Variants in ADGRB3 observed in about 807,000 individuals in gnomAD.
ADGRB3 encodes brain-specific angiogenesis inhibitor 3.
In ADGRB3, 37 loss-of-function variants were observed where a neutral mutation model predicts 193.4. The observed-to-expected ratio is 0.19, with a 90% CI of 0.15 to 0.25. ADGRB3 has a LOEUF of 0.25. ADGRB3 is among the 10% of genes least tolerant of loss of function. ADGRB3 has a pLI of 1.00. For synonymous variants in ADGRB3, 690 were observed against 644.2 expected (o/e 1.07, Z -1.08); for missense variants, 1,637 against 1,852.9 (o/e 0.88, Z 2.14).
intron 3 of ADGRB3, among the ~76,000 whole-genome samples, chr6:68,849,912 A>G (rs1258920231): frequency 6.6e-6 from 1 of 151,990 alleles, no homozygotes; most frequent in South Asian, 2.1e-4. Flanking sequence ...AAGATAATAT[A>G]AAAATCTTTT....
chr6:69,117,397 C>T (rs952377621), intron 17 of ADGRB3, among the ~76,000 whole-genome samples: 9 of 152,160 alleles, frequency 5.9e-5, no homozygotes. Flanking sequence ...CACTAGAACA[C>T]AGATTTCTGA....
At chr6:69,246,143 T>C (rs1766494598) in intron 20 of ADGRB3, among the ~76,000 whole-genome samples, 1 of 152,068 alleles carries the variant, frequency 6.6e-6, no homozygotes, top group Admixed American at 6.6e-5. Context: ...AAGTTAATCT[T>C]TTTTCTTCAT....
At chr6:69,191,387 A>G (rs1449321846) in intron 17 of ADGRB3, among the ~76,000 whole-genome samples, 1 of 152,182 alleles carries the variant, frequency 6.6e-6, no homozygotes, top group Non-Finnish European at 1.5e-5. Flanking sequence ...TGGCAAACAC[A>G]CCAATACAGT....
chr6:68,738,352 A>AGGAT (rs1228290398), intron 3 of ADGRB3, among the ~76,000 whole-genome samples: 1 of 151,734 alleles, frequency 6.6e-6, no homozygotes, highest in Non-Finnish European at 1.5e-5. Flanking sequence ...GACTGACTGG[A>AGGAT]GGATTTTCTG....
At position 69,342,155 on chromosome 6, in the gene ADGRB3, T is replaced by C. The variant is rs184442705; in HGVS notation, c.3459+2651T>C. On this transcript the variant is annotated intron_variant, in intron 26 of 31. Coordinates refer to ENST00000370598, the MANE Select transcript of ADGRB3 (RefSeq NM_001704.3). ...ACAAGTAATTAAATCAATCATATAA[T>C]AAATGCTTCTGCTAAAGTAGGTGTC... Among the ~76,000 whole-genome samples, 7 of 152,258 alleles carry C rather than the reference T, an allele frequency of 4.6e-5. No individual in the cohort carries two copies. In the South Asian group the frequency reaches 6.2e-4, roughly 14 times the overall value.
At chr6:69,198,171 C>T (rs1217674473) in intron 17 of ADGRB3, among the ~76,000 whole-genome samples, 1 of 152,006 alleles carries the variant, frequency 6.6e-6, no homozygotes, top group East Asian at 1.9e-4. Flanking sequence ...TTTTGTCAGT[C>T]TTCCATACTA....
chr6:68,975,197 T>C lies in ADGRB3; in HGVS notation c.1628-37T>C, dbSNP rs950209471. 1.9e-6 allele frequency: 3 copies of C among 1,554,574 alleles called. No individual in the cohort carries two copies. In the African/African-American group the frequency reaches 4.1e-5, roughly 21 times the overall value. On this transcript the variant is annotated intron_variant, in intron 9 of 31. Coordinates refer to ENST00000370598, the MANE Select transcript of ADGRB3 (RefSeq NM_001704.3). ...TAAGTGTGATGCCTTCAAACATCCC[T>C]ATTATAAAGCTTCTCTCTGTTCTTT... is the stretch of plus-strand genomic sequence containing the variant.
chr6:68,655,069 G>A (rs78623147), intron 3 of ADGRB3, among the ~76,000 whole-genome samples: 4,026 of 150,814 alleles, frequency 0.027, 166 homozygotes, highest in African/African-American at 0.092. Flanking sequence ...CATTCTCTTT[G>A]ATCATTGATT....
intron 17 of ADGRB3, among the ~76,000 whole-genome samples, chr6:69,094,578 A>G (rs773796297): frequency 1.3e-5 from 2 of 152,200 alleles, no homozygotes; most frequent in African/African-American, 4.8e-5. Context: ...TGAAAGCTAT[A>G]TGTCATACCG....
intron 3 of ADGRB3, among the ~76,000 whole-genome samples, chr6:68,701,426 T>C (rs1765240728): frequency 6.6e-6 from 1 of 152,172 alleles, no homozygotes; most frequent in South Asian, 2.1e-4. Context: ...CAAATGAGAA[T>C]CCAGTCACAC....
intron 3 of ADGRB3, among the ~76,000 whole-genome samples, chr6:68,709,921 T>C (rs1765382291): frequency 6.6e-6 from 1 of 152,226 alleles, no homozygotes; most frequent in Non-Finnish European, 1.5e-5. Context: ...GCTGCCCCTC[T>C]TAGCCCTTGC....
At chr6:68,783,983 A>T (rs1202159689) in intron 3 of ADGRB3, among the ~76,000 whole-genome samples, 1 of 152,032 alleles carries the variant, frequency 6.6e-6, no homozygotes, top group African/African-American at 2.4e-5. Context: ...CAGTGTTCTT[A>T]ATAAGAGACT....
chr6:68,793,091 C>T (rs1305997009), intron 3 of ADGRB3, among the ~76,000 whole-genome samples: 1 of 151,674 alleles, frequency 6.6e-6, no homozygotes. Flanking sequence ...CTTTTTGATT[C>T]AGTTTGCGAT....
chr6:69,364,405 C>T (rs2127334824), intron 29 of ADGRB3, among the ~76,000 whole-genome samples: 1 of 152,106 alleles, frequency 6.6e-6, no homozygotes, highest in South Asian at 2.1e-4. Flanking sequence ...GGAGGCTCCC[C>T]AACCCCGAAG....
chr6:68,675,409 G>T (rs192608022), intron 3 of ADGRB3, among the ~76,000 whole-genome samples: 2 of 151,566 alleles, frequency 1.3e-5, no homozygotes, highest in Non-Finnish European at 2.9e-5. Flanking sequence ...TCCAAAGCAA[G>T]GAGAAAAAAG....
intron 3 of ADGRB3, among the ~76,000 whole-genome samples, chr6:68,885,223 A>G (rs1362633684): frequency 6.6e-6 from 1 of 152,164 alleles, no homozygotes; most frequent in Non-Finnish European, 1.5e-5. Context: ...TAACAGTAAT[A>G]TTTATTGAGG....
At chr6:68,770,514 T>C (rs1404243533) in intron 3 of ADGRB3, among the ~76,000 whole-genome samples, 1 of 152,112 alleles carries the variant, frequency 6.6e-6, no homozygotes, top group Non-Finnish European at 1.5e-5. Flanking sequence ...ATTAATTTTC[T>C]CCTCATTCAG....
At chr6:69,127,221 C>G (rs1219146996) in intron 17 of ADGRB3, among the ~76,000 whole-genome samples, 1 of 152,196 alleles carries the variant, frequency 6.6e-6, no homozygotes, top group Admixed American at 6.5e-5. Context: ...ATTCTCAATT[C>G]TAAAAATTGT....
chr6:69,232,840 A>C (rs1025254317), intron 17 of ADGRB3, among the ~76,000 whole-genome samples: 1 of 152,228 alleles, frequency 6.6e-6, no homozygotes, highest in Non-Finnish European at 1.5e-5. Context: ...AGAAATCCGC[A>C]TTTTAAAAGC....
Sources: gnomAD v4.1 joint callset for allele counts (sites outside exome capture counted in the v4.1 genomes callset) on GRCh38, gnomAD v4.1.1 for gene constraint, MANE v1.5 for transcripts, NCBI Gene and HGNC (gene_info 2026-07-23, HGNC 2026-07-21) for gene names.